PER3: variants seen among roughly 807,000 people sequenced by gnomAD.
The protein encoded by PER3 is period circadian regulator 3.
A neutral mutation model predicts 127.2 loss-of-function variants in PER3; 107 were observed. The ratio of observed to expected loss-of-function variants is 0.84; its 90% confidence interval spans 0.72 to 0.99. PER3 has a LOEUF of 0.99. Ranked by LOEUF, PER3 falls within the 50% of genes least tolerant of loss-of-function variation. The pLI is 0.00. For missense variants in PER3, 1,560 were observed against 1,525.8 expected (o/e 1.02, Z -0.37); for synonymous variants, 618 against 585.8 (o/e 1.05, Z -0.79).
At position 7,820,651 on chromosome 1, in the gene PER3, C is replaced by T. The variant is rs763144098; in HGVS notation, c.1957+11C>T. On this transcript the variant is annotated intron_variant, in intron 16 of 21. Transcript: ENST00000377532. ...CACCCCCAGAGACAGGTACCACACT[C>T]GCCTCTTACTTTGAAAATATACTCA... 2.0e-5 allele frequency: 31 copies of T among 1,586,418 alleles called. No individual in the cohort carries two copies. Among genetic ancestry groups the T allele is most frequent in the East Asian group, 2.2e-5 (1 of 44,476 alleles).
chr1:7,785,655 G>A (rs914770111), intron 3 of PER3, 69 bp downstream of exon 3: 13 of 1,307,880 alleles, frequency 9.9e-6, no homozygotes, highest in Middle Eastern at 3.9e-4. Flanking sequence ...CAGAGGAGTG[G>A]TCAGTGGGGT....
Position 7,820,478 on chromosome 1 carries a change from A to G in PER3, c.1795A>G (p.Ile599Val). The change falls in exon 16 of 22, where the codon ATC becomes GTC. Residue 599 changes from isoleucine (I) to valine (V), a missense_variant. Ile to Val is a conservative substitution (Grantham distance 29). This residue lies in a region of PER3 where 1,332 missense variants were observed against 1,223.6 expected (regional missense o/e 1.09). Coordinates refer to ENST00000377532, the MANE Select transcript of PER3 (RefSeq NM_001377275.1). ...DVQALQAGLQ[I>V]PAIPKSEMPT... is the part of the protein sequence containing the mutation. Reference sequence around the variant, plus strand: ...TCTTACACCACCAGCTGGTTTGCAAATCCCAGCCATACCTAAATCAGAAAT... The same window carrying G: ...TCTTACACCACCAGCTGGTTTGCAAGTCCCAGCCATACCTAAATCAGAAAT... 1 of 1,609,930 alleles carries G rather than the reference A, an allele frequency of 6.2e-7. No homozygotes were observed. The highest frequency in any genetic ancestry group is 8.5e-7 in the Non-Finnish European group (1 of 1,178,474).
At chr1:7,837,915 A>G (rs960594712) in intron 21 of PER3, among the ~76,000 whole-genome samples, 2 of 152,126 alleles carry the variant, frequency 1.3e-5, no homozygotes, top group Non-Finnish European at 2.9e-5. Flanking sequence ...AATCAAAACA[A>G]TTAGCCAGGT....
At chr1:7,791,511 G>T (rs1333998234) in intron 5 of PER3, among the ~76,000 whole-genome samples, 2 of 152,208 alleles carry the variant, frequency 1.3e-5, no homozygotes, top group Non-Finnish European at 1.5e-5. Flanking sequence ...GATGGGAGGG[G>T]TTGCTGTGAA....
Position 7,785,562 on chromosome 1 carries a change from C to G in PER3, c.250C>G (p.Leu84Val). 1 of 1,613,714 alleles carries G rather than the reference C, an allele frequency of 6.2e-7. No individual in the cohort carries two copies. The highest frequency in any genetic ancestry group is 1.1e-5 in the South Asian group (1 of 91,056). ...CACTCTAGATGCCCTCAACTATGCT[C>G]TCCGCTGTGTCCACAGCGTTCAAGG... is the stretch of plus-strand genomic sequence containing the variant. ...PSTLDALNYA[L>V]RCVHSVQANS... Residue 84 changes from leucine (L) to valine (V), a missense_variant, in exon 3 of 22, where the codon CTC (leucine) becomes GTC (valine). Physicochemically the swap from Leu to Val is conservative, Grantham distance 32. Coordinates refer to ENST00000377532, the MANE Select transcript of PER3 (RefSeq NM_001377275.1).
At chr1:7,806,812 A>AATATATATATATATATATATAT (rs1553309917) in intron 10 of PER3, among the ~76,000 whole-genome samples, 1 of 60,632 alleles carries the variant, frequency 1.6e-5, no homozygotes, top group African/African-American at 6.8e-5. Context: ...AAAAAAAAAA[A>AATATATATATATATATATATAT]ATATATATAT....
intron 7 of PER3, 47 bp downstream of exon 7, chr1:7,798,720 C>T (rs773076348): frequency 1.3e-6 from 2 of 1,506,842 alleles, no homozygotes; most frequent in East Asian, 2.3e-5. Context: ...CAGATAGGAA[C>T]ATGGGAAAGT....
chr1:7,810,401 A>T (rs879197245), intron 12 of PER3, 37 bp from the exon 13 acceptor site: 2 of 1,473,280 alleles, frequency 1.4e-6, no homozygotes, highest in South Asian at 2.5e-5. Flanking sequence ...ACATTTTTAT[A>T]ATTTTTGAAA....
At chr1:7,789,282 A>T (rs1451947095) in intron 5 of PER3, among the ~76,000 whole-genome samples, 1 of 152,092 alleles carries the variant, frequency 6.6e-6, no homozygotes, top group Non-Finnish European at 1.5e-5. Context: ...CTCATGTTGA[A>T]TTGTAACTCC....
At chr1:7,798,950 A>C (rs190914492) in intron 7 of PER3, among the ~76,000 whole-genome samples, 1 of 152,182 alleles carries the variant, frequency 6.6e-6, no homozygotes, top group East Asian at 1.9e-4. Flanking sequence ...TCTGCTGGTG[A>C]CCCATTCAGT....
At chr1:7,823,488 C>G (rs1159855410) in intron 16 of PER3, among the ~76,000 whole-genome samples, 1 of 151,986 alleles carries the variant, frequency 6.6e-6, no homozygotes, top group Non-Finnish European at 1.5e-5. Context: ...ACTAAAAATA[C>G]AAAATTAGCT....
chr1:7,789,787 A>G (rs906431770), intron 5 of PER3, among the ~76,000 whole-genome samples: 1 of 152,240 alleles, frequency 6.6e-6, no homozygotes, highest in Non-Finnish European at 1.5e-5. Context: ...TCTTCCAATT[A>G]TAGATTGCCC....
At chr1:7,809,116 C>G in intron 11 of PER3, 118 bp downstream of exon 11, 2 of 579,842 alleles carry the variant, frequency 3.4e-6, no homozygotes, top group Admixed American at 7.3e-5. Context: ...CCTCTACATT[C>G]CAGAAATTTT....
chr1:7,823,500 G>A (rs546019499), intron 16 of PER3, among the ~76,000 whole-genome samples: 3 of 152,006 alleles, frequency 2.0e-5, no homozygotes, highest in African/African-American at 7.3e-5. Context: ...AAATTAGCTG[G>A]GCATGGTGAT....
At position 7,827,767 on chromosome 1, in the gene PER3, TGAATCTCCAGATCA is replaced by T. The variant is rs749703734; in HGVS notation, c.2841_2854del (p.Glu947AspfsTer10). The T allele has an allele frequency of 3.7e-6, 6 of 1,613,928 alleles. No individual in the cohort carries two copies. The highest frequency in any genetic ancestry group is 5.1e-6 in the Non-Finnish European group (6 of 1,180,044). Reference sequence around the variant, plus strand: ...TTCAGGAAGAGATGCCCAGACCCTCTGAATCTCCAGATCAGATGAGAAGGAACACGTGCCCACAA... The same window carrying T: ...TTCAGGAAGAGATGCCCAGACCCTCTGATGAGAAGGAACACGTGCCCACAA... On this transcript the variant is annotated frameshift_variant, in exon 18 of 22. Coordinates refer to ENST00000377532, the MANE Select transcript of PER3 (RefSeq NM_001377275.1). LOFTEE classifies it high-confidence loss of function.
rs1274543847 is a variant in PER3 at position 7,793,970 on chromosome 1, T to C, written c.606T>C (p.Tyr202=). 1 of 1,614,040 alleles carries C rather than the reference T, an allele frequency of 6.2e-7. No individual in the cohort carries two copies. Among genetic ancestry groups the C allele is most frequent in the African/African-American group, 1.3e-5 (1 of 75,050 alleles). Residue 202 remains tyrosine, a synonymous_variant, in exon 6 of 22, where the codon TAT becomes TAC. Coordinates refer to ENST00000377532, the MANE Select transcript of PER3 (RefSeq NM_001377275.1). The part of the protein sequence containing the change: ...NNWTQRAAAR[Y]ECAPVKPFFC... ...CTTTCTTTCTAGCAGCTGCACGGTATGAATGTGCTCCGGTGAAACCTTTTT... is the reference window on the plus strand; with the variant it reads ...CTTTCTTTCTAGCAGCTGCACGGTACGAATGTGCTCCGGTGAAACCTTTTT...
intron 21 of PER3, among the ~76,000 whole-genome samples, chr1:7,840,651 C>T (rs1217824564): frequency 6.6e-6 from 1 of 151,838 alleles, no homozygotes; most frequent in Non-Finnish European, 1.5e-5. Flanking sequence ...AAGACAGTCT[C>T]ACTTTGTCAT....
intron 4 of PER3, chr1:7,787,469 A>G (rs2859390): frequency 0.2 from 95,617 of 468,600 alleles, 11,320 homozygotes; most frequent in East Asian, 0.38. Context: ...TGGTGTGTAC[A>G]TAGTACTGTA....
At chr1:7,811,099 A>T (rs2150870414) in intron 13 of PER3, among the ~76,000 whole-genome samples, 1 of 152,352 alleles carries the variant, frequency 6.6e-6, no homozygotes, top group East Asian at 1.9e-4. Flanking sequence ...AACTGGCATC[A>T]TATTGAAAAG....
Sources: gnomAD v4.1 joint callset for allele counts (sites outside exome capture counted in the v4.1 genomes callset) on GRCh38, gnomAD v4.1.1 for gene constraint, gnomAD v4.1.1 regional missense constraint, MANE v1.5 for transcripts, NCBI Gene and HGNC (gene_info 2026-07-23, HGNC 2026-07-21) for gene names.